The following MAD1L1 variants were observed in gnomAD, a reference collection of about 807,000 sequenced individuals.
MAD1L1 encodes the protein mitotic arrest deficient 1 like 1, also known as mitotic spindle assembly checkpoint protein MAD1.
A neutral mutation model predicts 96.9 loss-of-function variants in MAD1L1; 95 were observed. That is an observed-to-expected ratio of 0.98 (90% CI 0.83 to 1.16). The LOEUF is 1.16. Ranked by LOEUF, MAD1L1 falls within the 50% of genes most tolerant of loss-of-function variation. The pLI, the probability that MAD1L1 is intolerant of heterozygous loss-of-function variation, is 0.00. For missense variants in MAD1L1, 1,007 were observed against 954.4 expected, an observed-to-expected ratio of 1.06 and a Z score of -0.73; for synonymous variants, 473 against 396.6, an observed-to-expected ratio of 1.19 and a Z score of -2.29.
At chr7:1,903,895 G>A (rs11763241) in intron 17 of MAD1L1, among the ~76,000 whole-genome samples, 7,577 of 79,476 alleles carry the variant, frequency 0.095, 436 homozygotes, top group East Asian at 0.16. Context: ...ATGCTCTTGC[G>A]GAACTCATGA....
intron 12 of MAD1L1, among the ~76,000 whole-genome samples, chr7:2,057,138 G>C (rs1415666679): frequency 6.6e-6 from 1 of 152,254 alleles, no homozygotes; most frequent in Non-Finnish European, 1.5e-5. Flanking sequence ...GCCCCACCTA[G>C]AGAGGGGCCC....
At chr7:2,024,129 A>G (rs946461084) in intron 12 of MAD1L1, among the ~76,000 whole-genome samples, 22 of 151,946 alleles carry the variant, frequency 1.4e-4, no homozygotes, top group African/African-American at 5.1e-4. Context: ...AATAAAAAAA[A>G]GGAAGACACA....
chr7:1,847,720 C>T (rs746679452), intron 18 of MAD1L1: 3 of 470,086 alleles, frequency 6.4e-6, no homozygotes, highest in Admixed American at 2.3e-5. Context: ...GGGTTCCCAT[C>T]GCTTCGGCGT....
At chr7:1,922,813 G>C (rs1173482837) in intron 17 of MAD1L1, among the ~76,000 whole-genome samples, 1 of 152,218 alleles carries the variant, frequency 6.6e-6, no homozygotes, top group Non-Finnish European at 1.5e-5. Context: ...GGTTTGCCGA[G>C]TTTCCCCATG....
intron 12 of MAD1L1, among the ~76,000 whole-genome samples, chr7:2,049,947 A>C (rs1291754137): frequency 3.3e-4 from 36 of 107,918 alleles, no homozygotes; most frequent in East Asian, 5.7e-4. Context: ...GTTCACAAGG[A>C]ACCTCACCCA....
At chr7:1,943,836 A>G (rs941332401) in intron 16 of MAD1L1, among the ~76,000 whole-genome samples, 1 of 152,294 alleles carries the variant, frequency 6.6e-6, no homozygotes, top group African/African-American at 2.4e-5. Context: ...CCAGATGTCC[A>G]TCAGGCGATG....
intron 6 of MAD1L1, among the ~76,000 whole-genome samples, 185 bp from the exon 7 acceptor site, chr7:2,218,228 A>G (rs1584578039): frequency 6.6e-6 from 1 of 152,028 alleles, no homozygotes; most frequent in Non-Finnish European, 1.5e-5. Context: ...GGGTACCCCA[A>G]GGTCCCAGGC....
intron 17 of MAD1L1, among the ~76,000 whole-genome samples, chr7:1,915,506 G>A (rs1239318919): frequency 6.6e-6 from 1 of 152,194 alleles, no homozygotes. Context: ...AGGCCGACGC[G>A]GGACGTACGT....
intron 18 of MAD1L1, among the ~76,000 whole-genome samples, chr7:1,830,577 T>G (rs1009774690): frequency 6.6e-6 from 1 of 152,212 alleles, no homozygotes; most frequent in African/African-American, 2.4e-5. Flanking sequence ...CAAAGTATTG[T>G]GGGGTTTATC....
intron 10 of MAD1L1, among the ~76,000 whole-genome samples, chr7:2,181,534 A>G (rs575961413): frequency 1.3e-5 from 2 of 152,384 alleles, no homozygotes; most frequent in Admixed American, 1.3e-4. Flanking sequence ...AAGTCAAAAA[A>G]TAACAGATGT....
chr7:1,912,560 T>G (rs796617931), intron 17 of MAD1L1, among the ~76,000 whole-genome samples: 1 of 152,116 alleles, frequency 6.6e-6, no homozygotes, highest in Admixed American at 6.5e-5. Flanking sequence ...CTGCCGCCGA[T>G]GCATCAGAGC....
chr7:1,865,188 C>A (rs777391935), intron 18 of MAD1L1, among the ~76,000 whole-genome samples: 38 of 152,202 alleles, frequency 2.5e-4, no homozygotes, highest in Non-Finnish European at 4.9e-4. Context: ...AAGCACCCAC[C>A]CTATGGGATC....
At chr7:2,033,148 C>A (rs897849728) in intron 12 of MAD1L1, among the ~76,000 whole-genome samples, 1 of 152,266 alleles carries the variant, frequency 6.6e-6, no homozygotes, top group African/African-American at 2.4e-5. Flanking sequence ...CAGCCAGGCA[C>A]CACGTGCCAG....
chr7:1,853,109 C>T (rs919303314), intron 18 of MAD1L1, among the ~76,000 whole-genome samples: 1 of 152,138 alleles, frequency 6.6e-6, no homozygotes, highest in South Asian at 2.1e-4. Flanking sequence ...GGGAGAGCCC[C>T]GAGGAAGTGC....
intron 17 of MAD1L1, among the ~76,000 whole-genome samples, chr7:1,912,318 T>A (rs1400911326): frequency 6.6e-6 from 1 of 152,098 alleles, no homozygotes; most frequent in African/African-American, 2.4e-5. Context: ...ACTTAACCTA[T>A]CCTTTTGGGG....
chr7:2,213,472 G>A (rs955613580), intron 9 of MAD1L1, among the ~76,000 whole-genome samples, 199 bp from the exon 10 acceptor site: 2 of 152,162 alleles, frequency 1.3e-5, no homozygotes, highest in Admixed American at 6.5e-5. Context: ...CCACACTGGC[G>A]CTTCCTGCCT....
intron 11 of MAD1L1, among the ~76,000 whole-genome samples, chr7:2,100,616 C>T (rs189886111): frequency 2.6e-4 from 40 of 152,384 alleles, no homozygotes; most frequent in African/African-American, 9.1e-4. Context: ...GCCCTGGCTG[C>T]AAACCGGAAG....
chr7:2,101,930 G>T (rs907736226), intron 11 of MAD1L1, among the ~76,000 whole-genome samples: 2 of 152,152 alleles, frequency 1.3e-5, no homozygotes, highest in African/African-American at 2.4e-5. Flanking sequence ...CACACAGGGG[G>T]CTCTGCAGCT....
chr7:1,973,925 G>A (rs553799853), intron 15 of MAD1L1, among the ~76,000 whole-genome samples: 49 of 152,368 alleles, frequency 3.2e-4, no homozygotes, highest in African/African-American at 1.2e-3. Flanking sequence ...AGCAGTGCCG[G>A]CTGCTGAAGG....
Sources: gnomAD v4.1 joint callset for allele counts (sites outside exome capture counted in the v4.1 genomes callset) on GRCh38, gnomAD v4.1.1 for gene constraint, MANE v1.5 for transcripts, NCBI Gene and HGNC (gene_info 2026-07-23, HGNC 2026-07-21) for gene names.